Variants in TXNRD3 observed in about 807,000 individuals in gnomAD.
TXNRD3 encodes the protein thioredoxin reductase 3.
TXNRD3 carries 68 observed loss-of-function variants against 78.2 expected under a neutral mutation model. The observed-to-expected ratio is 0.87, with a 90% confidence interval of 0.72 to 1.06. The LOEUF (loss-of-function observed/expected upper bound fraction) is 1.06, where lower values mean the gene tolerates loss of function less well. Among genes scored for constraint, TXNRD3 ranks in the 50% least tolerant of loss-of-function variants. TXNRD3 has a pLI of 0.00. For synonymous variants in TXNRD3, 296 were observed against 300.1 expected (o/e 0.99, Z 0.14); for missense variants, 751 against 809.5 (o/e 0.93, Z 0.88).
chr3:126,632,397 T>TA, intron 7 of TXNRD3, among the ~76,000 whole-genome samples: 1 of 152,142 alleles, frequency 6.6e-6, no homozygotes, highest in East Asian at 1.9e-4. Context: ...ATTTTCATTT[T>TA]AAAAAAATTC....
At chr3:126,619,625 A>C (rs1938400873) in intron 12 of TXNRD3, among the ~76,000 whole-genome samples, 1 of 152,210 alleles carries the variant, frequency 6.6e-6, no homozygotes, top group Non-Finnish European at 1.5e-5. Flanking sequence ...AAACAGGAGG[A>C]GTTAAGTCCT....
rs865835723 is a variant in TXNRD3 at position 126,607,471 on chromosome 3, G to A, written c.*434C>T. 6.6e-6 allele frequency: 1 copy of A among 152,612 alleles called. No homozygotes were observed. The highest frequency in any genetic ancestry group is 1.5e-5 in the Non-Finnish European group (1 of 68,338). 9.5% of individuals were successfully genotyped at this position (152,612 alleles called of 1,614,324 possible). ...GAGCATGTGTGAATTCTAGGCCCAC[G>A]CACTAGAAAACCACTACTTTATAGC... On this transcript the variant is annotated 3_prime_UTR_variant, in exon 16 of 16. Transcript: ENST00000524230.
intron 12 of TXNRD3, among the ~76,000 whole-genome samples, chr3:126,618,863 C>CAAA (rs36021189): frequency 8.2e-5 from 6 of 73,082 alleles, no homozygotes; most frequent in Admixed American, 1.5e-4. Flanking sequence ...AACTCAGAGC[C>CAAA]AAAAAAAAAA....
chr3:126,638,553 G>A (rs559663489), intron 6 of TXNRD3, among the ~76,000 whole-genome samples: 1 of 152,206 alleles, frequency 6.6e-6, no homozygotes, highest in Admixed American at 6.5e-5. Flanking sequence ...GGCCAACATG[G>A]TGAAACCCCG....
chr3:126,633,835 G>T, intron 7 of TXNRD3, 74 bp downstream of exon 7: 1 of 1,297,016 alleles, frequency 7.7e-7, no homozygotes, highest in Non-Finnish European at 1.0e-6. Context: ...CATGCAACAT[G>T]AAATTTTAGT....
intron 1 of TXNRD3, among the ~76,000 whole-genome samples, chr3:126,650,946 T>C (rs886270168): frequency 3.3e-5 from 5 of 152,160 alleles, no homozygotes; most frequent in Non-Finnish European, 5.9e-5. Flanking sequence ...AACAAGCTGG[T>C]TGATTACAGC....
intron 12 of TXNRD3, among the ~76,000 whole-genome samples, chr3:126,617,279 C>T (rs993714330): frequency 1.3e-5 from 2 of 152,150 alleles, no homozygotes; most frequent in African/African-American, 4.8e-5. Flanking sequence ...ATTCTAATCC[C>T]TCCTCCCCAC....
chr3:126,620,552 G>C (rs1235308096), intron 12 of TXNRD3, among the ~76,000 whole-genome samples: 4 of 152,182 alleles, frequency 2.6e-5, no homozygotes, highest in Non-Finnish European at 5.9e-5. Context: ...CACATATTCA[G>C]AAAAGGAGAG....
chr3:126,655,034 C>T lies in TXNRD3; in HGVS notation c.-44G>A. On this transcript the variant is annotated 5_prime_UTR_variant, in exon 1 of 16. Transcript: ENST00000524230. ...GGCCCGGCCGGGCCTGCTCACAAAC[C>T]GAAACGCAGGCGGCTGCGGCGCCGG... The T allele has an allele frequency of 7.7e-7, 1 of 1,292,002 alleles. No homozygotes were observed. Among genetic ancestry groups the T allele is most frequent in the Non-Finnish European group, 9.8e-7 (1 of 1,021,230 alleles). The allele number at this position is 1,292,002 out of a possible 1,614,324, so 80.0% of individuals were successfully genotyped here. A position where few individuals can be genotyped will look rare whatever the true frequency, so the allele number is the denominator to read the frequency against.
At chr3:126,653,785 A>C (rs1416025817) in intron 1 of TXNRD3, among the ~76,000 whole-genome samples, 4 of 152,222 alleles carry the variant, frequency 2.6e-5, no homozygotes, top group African/African-American at 9.6e-5. Flanking sequence ...TTTAAGACCA[A>C]AATACCAAAA....
Position 126,607,937 on chromosome 3 carries a change from G to C in TXNRD3, c.1900C>G (p.Leu634Val). 1.3e-6 allele frequency: 2 copies of C among 1,510,126 alleles called. No individual in the cohort carries two copies. The highest frequency in any genetic ancestry group is 2.5e-5 in the South Asian group (2 of 81,022). 93.5% of individuals were successfully genotyped at this position (1,510,126 alleles called of 1,614,324 possible). A position where few individuals can be genotyped will look rare whatever the true frequency, so the allele number is the denominator to read the frequency against. ...CAGCAGCCTTTCTGAGTGATGTCTA[G>C]TCCTGACGACTTTGTGATTTCCAAA... Residue 634 changes from leucine (L) to valine (V), a missense_variant, in exon 16 of 16, where the codon CTA (leucine) becomes GTA (valine). Physicochemically the swap from Leu to Val is conservative, Grantham distance 32. Coordinates refer to ENST00000524230, the MANE Select transcript of TXNRD3 (RefSeq NM_052883.3).
intron 6 of TXNRD3, among the ~76,000 whole-genome samples, chr3:126,639,955 C>T (rs1161550531): frequency 1.3e-5 from 2 of 152,028 alleles, no homozygotes; most frequent in African/African-American, 4.8e-5. Flanking sequence ...AGTCAGGAGG[C>T]CTCATTTTAT....
At position 126,611,145 on chromosome 3, in the gene TXNRD3, A is replaced by G; in HGVS notation, c.1633-13T>C. 3 of 1,474,756 alleles carry G rather than the reference A, an allele frequency of 2.0e-6. No individual in the cohort carries two copies. The highest frequency in any genetic ancestry group is 1.8e-6 in the Non-Finnish European group (2 of 1,106,052). 91.4% of individuals were successfully genotyped at this position (1,474,756 alleles called of 1,614,324 possible). ...AAGTATGATATATCTGGAAGATAAA[A>G]GAGAGAAAAAGGGCAGAATTAATGT... On this transcript the variant is annotated splice_polypyrimidine_tract_variant and intron_variant, in intron 13 of 15. Transcript: ENST00000524230.
chr3:126,613,566 G>C (rs917975315), intron 13 of TXNRD3, among the ~76,000 whole-genome samples: 12 of 152,188 alleles, frequency 7.9e-5, no homozygotes, highest in Admixed American at 3.9e-4. Context: ...ATCATGCACT[G>C]CATGTGTTGC....
Position 126,622,465 on chromosome 3 carries a change from T to G in TXNRD3, c.1366A>C (p.Lys456Gln), listed in dbSNP as rs1298921723. The G allele has an allele frequency of 7.8e-6, 12 of 1,534,604 alleles. No homozygotes were observed. In the South Asian group the frequency reaches 1.4e-4, roughly 18 times the overall value. ...GTGCAGTGATCCCAATATACTTACT[T>G]CTCATTAATTTTGACACCAATCTTC... Residue 456 changes from lysine to glutamine, a missense_variant and splice_region_variant, in exon 11 of 16, where the codon AAG becomes CAG. Physicochemically the swap from Lys to Gln is moderately conservative, Grantham distance 53. Transcript: ENST00000524230.
chr3:126,653,827 T>C (rs1933444393), intron 1 of TXNRD3, among the ~76,000 whole-genome samples: 2 of 152,146 alleles, frequency 1.3e-5, no homozygotes, highest in Admixed American at 6.5e-5. Flanking sequence ...GTACGATTCA[T>C]CCCAGGGAAT....
At chr3:126,641,793 T>C (rs1933095232) in intron 6 of TXNRD3, among the ~76,000 whole-genome samples, 1 of 152,250 alleles carries the variant, frequency 6.6e-6, no homozygotes, top group African/African-American at 2.4e-5. Flanking sequence ...CTTAATCTTT[T>C]ACATTCTGCT....
intron 6 of TXNRD3, among the ~76,000 whole-genome samples, chr3:126,638,942 T>C (rs898203564): frequency 6.6e-6 from 1 of 152,062 alleles, no homozygotes; most frequent in Non-Finnish European, 1.5e-5. Flanking sequence ...TGTAAGACAA[T>C]GGAGAACAGA....
chr3:126,629,574 G>C, intron 9 of TXNRD3, 103 bp from the exon 10 acceptor site: 2 of 853,216 alleles, frequency 2.3e-6, no homozygotes, highest in Non-Finnish European at 3.5e-6. Context: ...TGTGTTTGGT[G>C]GTGGTACATA....
Sources: gnomAD v4.1 joint callset for allele counts (sites outside exome capture counted in the v4.1 genomes callset) on GRCh38, gnomAD v4.1.1 for gene constraint, MANE v1.5 for transcripts, NCBI Gene and HGNC (gene_info 2026-07-23, HGNC 2026-07-21) for gene names.